CHIA: variants seen among roughly 807,000 people sequenced by gnomAD.
CHIA encodes chitinase acidic.
CHIA carries 47 observed loss-of-function variants against 53.5 expected under a neutral mutation model. That is an observed-to-expected ratio of 0.88 (90% confidence interval 0.70 to 1.12). The LOEUF is 1.12. Among genes scored for constraint, CHIA ranks in the 50% most tolerant of loss-of-function variants. The pLI is 0.00. For missense variants in CHIA, 652 were observed against 592.2 expected (o/e 1.10, Z -1.05); for synonymous variants, 268 against 222.2 (o/e 1.21, Z -1.83).
intron 1 of CHIA, among the ~76,000 whole-genome samples, chr1:111,302,333 G>T (rs1185710754): frequency 6.6e-6 from 1 of 151,918 alleles, no homozygotes; most frequent in Non-Finnish European, 1.5e-5. Context: ...TAGCTCCTTA[G>T]GTGTAATTAG....
At chr1:111,316,172 G>C (rs964469584) in intron 6 of CHIA, 1 of 200,716 alleles carries the variant, frequency 5.0e-6, no homozygotes, top group Non-Finnish European at 1.0e-5. Context: ...ATGATATACA[G>C]ATAAGTGTGA....
At chr1:111,312,414 T>A in intron 4 of CHIA, 23 bp downstream of exon 4, 1 of 1,580,340 alleles carries the variant, frequency 6.3e-7, no homozygotes, top group Non-Finnish European at 8.7e-7. Context: ...AGATATTTAA[T>A]TTGGCATCCC....
intron 1 of CHIA, among the ~76,000 whole-genome samples, chr1:111,294,073 C>T (rs561030456): frequency 3.9e-5 from 6 of 152,098 alleles, no homozygotes; most frequent in Admixed American, 1.3e-4. Flanking sequence ...CAGAGTGAGA[C>T]CCTGTCTCAA....
intron 2 of CHIA, 37 bp from the exon 3 acceptor site, chr1:111,311,652 A>T: frequency 6.2e-7 from 1 of 1,612,676 alleles, no homozygotes; most frequent in Non-Finnish European, 8.5e-7. Flanking sequence ...GGGTACAGAC[A>T]ATCGGTTCAA....
At chr1:111,300,352 C>T (rs184350628) in intron 1 of CHIA, among the ~76,000 whole-genome samples, 4 of 152,262 alleles carry the variant, frequency 2.6e-5, no homozygotes, top group South Asian at 2.1e-4. Context: ...CTACAGTAAC[C>T]AAAACAGCAT....
At chr1:111,305,308 A>G (rs1252126852) in intron 1 of CHIA, among the ~76,000 whole-genome samples, 1 of 152,198 alleles carries the variant, frequency 6.6e-6, no homozygotes, top group Admixed American at 6.5e-5. Context: ...CATTGCCCAA[A>G]TGTTACTTCA....
intron 7 of CHIA, 86 bp from the exon 8 acceptor site, chr1:111,317,900 A>G: frequency 6.2e-7 from 1 of 1,610,098 alleles, no homozygotes; most frequent in Non-Finnish European, 8.5e-7. Context: ...GACCTTGTTT[A>G]GGAGACTTTA....
chr1:111,308,981 C>A (rs2101632033), intron 1 of CHIA, among the ~76,000 whole-genome samples: 1 of 152,260 alleles, frequency 6.6e-6, no homozygotes, highest in South Asian at 2.1e-4. Flanking sequence ...TGATTATTTT[C>A]ACAATTGAAA....
chr1:111,294,504 C>T (rs1571258986), intron 1 of CHIA, among the ~76,000 whole-genome samples: 1 of 152,130 alleles, frequency 6.6e-6, no homozygotes, highest in East Asian at 1.9e-4. Flanking sequence ...TCTGCAGGGA[C>T]AATTTTACCA....
At chr1:111,312,134 G>A (rs553741768) in intron 3 of CHIA, 56 bp from the exon 4 acceptor site, 186 of 1,442,436 alleles carry the variant, frequency 1.3e-4, no homozygotes, top group Middle Eastern at 4.2e-4. Flanking sequence ...AAAACTCACA[G>A]CACACTTCAG....
intron 2 of CHIA, among the ~76,000 whole-genome samples, chr1:111,311,486 C>T (rs567324760): frequency 6.6e-5 from 10 of 152,112 alleles, no homozygotes; most frequent in Admixed American, 3.9e-4. Context: ...AGGTGTGAGA[C>T]GAAGGTACCA....
chr1:111,297,919 A>AAAAAAAAAAAAAAG (rs1647330079), intron 1 of CHIA, among the ~76,000 whole-genome samples: 1 of 149,464 alleles, frequency 6.7e-6, no homozygotes, highest in African/African-American at 2.4e-5. Context: ...AAAAAAAAAA[A>AAAAAAAAAAAAAAG]AAAAAACAAG....
chr1:111,313,682 T>C (rs1287743155), intron 4 of CHIA, among the ~76,000 whole-genome samples: 1 of 152,218 alleles, frequency 6.6e-6, no homozygotes, highest in Non-Finnish European at 1.5e-5. Context: ...TTGCTTTTGT[T>C]GCTGCACTTT....
chr1:111,310,287 T>C, intron 1 of CHIA, 113 bp from the exon 2 acceptor site: 1 of 1,237,360 alleles, frequency 8.1e-7, no homozygotes, highest in Non-Finnish European at 1.1e-6. Flanking sequence ...GTGGTGATGC[T>C]GGTGGTGGGA....
intron 6 of CHIA, chr1:111,316,870 G>A (rs551036463): frequency 1.3e-5 from 2 of 152,270 alleles, no homozygotes; most frequent in South Asian, 2.1e-4. Flanking sequence ...TTGCCCTAAT[G>A]ATCATAAAGG....
intron 1 of CHIA, among the ~76,000 whole-genome samples, chr1:111,305,421 A>G (rs976415191): frequency 6.6e-6 from 1 of 152,186 alleles, no homozygotes; most frequent in Non-Finnish European, 1.5e-5. Flanking sequence ...ATCAGTGATA[A>G]GAGCACAGAT....
At chr1:111,303,923 T>C (rs552053039) in intron 1 of CHIA, among the ~76,000 whole-genome samples, 24 of 152,306 alleles carry the variant, frequency 1.6e-4, no homozygotes, top group Non-Finnish European at 3.2e-4. Context: ...GCAGGACAGG[T>C]CTATTGGTAA....
chr1:111,291,832 G>A (rs970033149), intron 1 of CHIA, among the ~76,000 whole-genome samples: 3 of 54,884 alleles, frequency 5.5e-5, no homozygotes, highest in East Asian at 2.3e-3. Context: ...GGGCCTGTCG[G>A]GGGGGGGTGG....
In CHIA at chr1:111,317,705, G is replaced by A; in HGVS notation, c.505G>A (p.Glu169Lys). ...VQEMREAFEQ[E>K]AKQINKPRLM... ...GGAAATGCGTGAAGCTTTTGAGCAG[G>A]AGGCCAAGCAGATCAACAAGCCCAG... The change falls in exon 7 of 12, where the codon GAG becomes AAG. Residue 169 changes from glutamate to lysine, a missense_variant. By Grantham distance (56) the Glu-to-Lys change is moderately conservative (BLOSUM62 1). Coordinates refer to ENST00000369740, the MANE Select transcript of CHIA (RefSeq NM_201653.4). The A allele has an allele frequency of 6.2e-7, 1 of 1,614,112 alleles. No homozygotes were observed.
Sources: allele counts gnomAD v4.1 joint callset (sites outside exome capture counted in the v4.1 genomes callset), GRCh38; gene constraint gnomAD v4.1.1; transcripts MANE v1.5; gene names NCBI Gene and HGNC (gene_info 2026-07-23, HGNC 2026-07-21).